The following UBE3D variants were observed in gnomAD, a reference collection of about 807,000 sequenced individuals.
The protein encoded by UBE3D is ubiquitin protein ligase E3D, also known as E3 ubiquitin-protein ligase E3D.
A neutral mutation model predicts 49.6 loss-of-function variants in UBE3D; 48 were observed. The ratio of observed to expected loss-of-function variants is 0.97; its 90% CI spans 0.77 to 1.23. UBE3D has a LOEUF of 1.23. Among genes scored for constraint, UBE3D ranks in the 50% most tolerant of loss-of-function variants. UBE3D has a pLI of 0.00. For synonymous variants in UBE3D, 189 were observed against 174.2 expected, an observed-to-expected ratio of 1.08 and a Z score of -0.67; for missense variants, 452 against 468.4, an observed-to-expected ratio of 0.96 and a Z score of 0.32.
At chr6:82,977,075 C>A (rs1180165066) in intron 8 of UBE3D, among the ~76,000 whole-genome samples, 3 of 119,634 alleles carry the variant, frequency 2.5e-5, no homozygotes, top group African/African-American at 9.6e-5. Flanking sequence ...GATTGTGCCA[C>A]TGCACTCCAG....
Position 82,971,001 on chromosome 6 carries a change from A to G in UBE3D, c.1011-13551T>C, listed in dbSNP as rs535751331. Among the ~76,000 whole-genome samples, 26 of 152,312 alleles carry G rather than the reference A, an allele frequency of 1.7e-4. No homozygotes were observed. The South Asian group carries it at 5.4e-3, about 32-fold the overall frequency. ...ATTCATTACCATCTTTTATATAAATAGAATCATACAACATGTGGCCTTTTT... is the reference window on the plus strand; with the variant it reads ...ATTCATTACCATCTTTTATATAAATGGAATCATACAACATGTGGCCTTTTT... On this transcript the variant is annotated intron_variant, in intron 8 of 9. Transcript: ENST00000369747.
chr6:83,044,472 G>C lies in UBE3D; in HGVS notation c.553C>G (p.Pro185Ala). ...SLWQQRPELS[P>A]VEMCCVSSDN... The stretch of plus-strand genomic sequence containing the variant: ...GAAGAAACACAGCACATCTCCACTG[G>C]GGATAGTTCAGGTCTTTGCTGCCAC... Residue 185 changes from proline (P) to alanine (A), a missense_variant, in exon 4 of 10, where the codon CCA becomes GCA. Transcript: ENST00000369747. The C allele has an allele frequency of 1.2e-6, 2 of 1,614,028 alleles. No individual in the cohort carries two copies.
intron 8 of UBE3D, among the ~76,000 whole-genome samples, chr6:82,958,227 C>G (rs1776307326): frequency 6.6e-6 from 1 of 151,932 alleles, no homozygotes; most frequent in African/African-American, 2.4e-5. Flanking sequence ...TCATCTAGTG[C>G]TTAAAGGGAA....
chr6:82,898,427 A>G (rs964532267), intron 9 of UBE3D, among the ~76,000 whole-genome samples: 8 of 152,224 alleles, frequency 5.3e-5, no homozygotes, highest in Non-Finnish European at 1.0e-4. Flanking sequence ...TGGAACCAAC[A>G]CAAATGCCCA....
intron 8 of UBE3D, among the ~76,000 whole-genome samples, chr6:82,965,200 C>T (rs998096160): frequency 1.3e-5 from 2 of 152,132 alleles, no homozygotes; most frequent in Non-Finnish European, 2.9e-5. Context: ...TGTATTACTT[C>T]ATGCCAAAAA....
At chr6:83,030,763 T>A (rs117880342) in intron 5 of UBE3D, among the ~76,000 whole-genome samples, 1,541 of 152,126 alleles carry the variant, frequency 0.01, 24 homozygotes, top group East Asian at 0.081. Flanking sequence ...AGATAGGAAA[T>A]GGGGGAAAGT....
intron 8 of UBE3D, among the ~76,000 whole-genome samples, chr6:83,006,758 G>T (rs917354987): frequency 2.0e-5 from 3 of 152,136 alleles, no homozygotes; most frequent in African/African-American, 7.2e-5. Flanking sequence ...CCAGAGGCTG[G>T]GGTGAGTGGG....
At chr6:82,890,416 G>T (rs1248613406), downstream of UBE3D, among the ~76,000 whole-genome samples, 1 of 152,174 alleles carries the variant, frequency 6.6e-6, no homozygotes, top group Admixed American at 6.6e-5. Flanking sequence ...TTGAGCACGG[G>T]CATAGCTGTG....
chr6:82,991,203 T>C (rs888237370), intron 8 of UBE3D, among the ~76,000 whole-genome samples: 1 of 152,188 alleles, frequency 6.6e-6, no homozygotes, highest in African/African-American at 2.4e-5. Flanking sequence ...GAATTAAAAC[T>C]GTCATATAAT....
chr6:82,963,190 C>CTTTTT (rs5877828), intron 8 of UBE3D, among the ~76,000 whole-genome samples: 1 of 123,108 alleles, frequency 8.1e-6, no homozygotes, highest in Non-Finnish European at 1.7e-5. Context: ...AAGTTTTCAT[C>CTTTTT]TTTTTTTTTT....
intron 8 of UBE3D, among the ~76,000 whole-genome samples, chr6:82,985,010 T>C (rs1283534733): frequency 6.8e-5 from 9 of 131,720 alleles, no homozygotes; most frequent in African/African-American, 2.3e-4. Flanking sequence ...TTCTTCTTCT[T>C]TTTTTTTTTT....
At chr6:83,045,526 T>C (rs973685598) in intron 3 of UBE3D, among the ~76,000 whole-genome samples, 1 of 151,896 alleles carries the variant, frequency 6.6e-6, no homozygotes, top group African/African-American at 2.4e-5. Flanking sequence ...ATTAGCCTCA[T>C]GCTTATTAAT....
chr6:83,000,874 C>T (rs181150485), intron 8 of UBE3D, among the ~76,000 whole-genome samples: 17 of 149,962 alleles, frequency 1.1e-4, no homozygotes, highest in East Asian at 3.9e-4. Flanking sequence ...GACGGAGTCT[C>T]GCTCTTGTTG....
At chr6:82,933,595 G>GTGAT (rs1170897875) in intron 9 of UBE3D, among the ~76,000 whole-genome samples, 3 of 152,178 alleles carry the variant, frequency 2.0e-5, no homozygotes, top group African/African-American at 7.2e-5. Context: ...GTGGTAAAAT[G>GTGAT]TGATACCAAT....
intron 1 of UBE3D, among the ~76,000 whole-genome samples, chr6:83,060,831 A>G (rs1027634899): frequency 6.6e-6 from 1 of 152,218 alleles, no homozygotes; most frequent in Non-Finnish European, 1.5e-5. Context: ...ACAAAAAAGT[A>G]GCCCATTGAA....
intron 3 of UBE3D, among the ~76,000 whole-genome samples, chr6:83,051,269 T>A (rs1380634997): frequency 6.6e-6 from 1 of 152,108 alleles, no homozygotes; most frequent in East Asian, 1.9e-4. Flanking sequence ...CAAACCCAGG[T>A]CCCCATTCTC....
At chr6:82,982,531 A>G (rs978333320) in intron 8 of UBE3D, among the ~76,000 whole-genome samples, 6 of 152,116 alleles carry the variant, frequency 3.9e-5, no homozygotes, top group African/African-American at 1.2e-4. Flanking sequence ...TAATTTCCCA[A>G]TCTGGATTTT....
chr6:82,937,902 C>G (rs911941446), intron 9 of UBE3D, among the ~76,000 whole-genome samples: 4 of 152,156 alleles, frequency 2.6e-5, no homozygotes, highest in Admixed American at 2.0e-4. Context: ...GGCACCCTAA[C>G]CCCATCATTC....
chr6:82,901,822 G>T (rs1771758038), intron 9 of UBE3D, among the ~76,000 whole-genome samples: 1 of 152,180 alleles, frequency 6.6e-6, no homozygotes, highest in African/African-American at 2.4e-5. Flanking sequence ...TATTAATAAA[G>T]GAGCCTGGGC....
Sources: gnomAD v4.1 joint callset for allele counts (sites outside exome capture counted in the v4.1 genomes callset) on GRCh38, gnomAD v4.1.1 for gene constraint, MANE v1.5 for transcripts, NCBI Gene and HGNC (gene_info 2026-07-23, HGNC 2026-07-21) for gene names.